Variants in FAM227A observed in about 807,000 individuals in gnomAD.
FAM227A encodes the protein family with sequence similarity 227 member A.
In FAM227A, 80 loss-of-function variants were observed where a neutral mutation model predicts 74.7. The observed-to-expected ratio is 1.07, with a 90% CI of 0.89 to 1.29. The LOEUF (loss-of-function observed/expected upper bound fraction) is 1.29, where lower values mean the gene tolerates loss of function less well. Among genes scored for constraint, FAM227A ranks in the 50% most tolerant of loss-of-function variants. FAM227A has a pLI of 0.00. For synonymous variants in FAM227A, 237 were observed against 241.8 expected, an observed-to-expected ratio of 0.98 and a Z score of 0.19; for missense variants, 654 against 683.4, an observed-to-expected ratio of 0.96 and a Z score of 0.48.
intron 6 of FAM227A, among the ~76,000 whole-genome samples, chr22:38,635,398 T>C (rs1466136315): frequency 6.6e-6 from 1 of 151,794 alleles, no homozygotes; most frequent in Non-Finnish European, 1.5e-5. Flanking sequence ...CAGGGGACAA[T>C]GATCAGAGCT....
In FAM227A at chr22:38,620,216, G is replaced by C. The variant is rs2091658593; in HGVS notation, c.1034C>G (p.Pro345Arg). ...GGTCCGTGCCTCCCCACTTACCTGA[G>C]GGTGGTAGAATTTCCTGCTCTGGGC... ...KPAQSRKFYHPQSSSANSPSE... is the reference protein window; with the variant it reads ...KPAQSRKFYHRQSSSANSPSE... The change falls in exon 11 of 17, where the codon CCT (proline) becomes CGT (arginine). Residue 345 changes from proline (P) to arginine (R), a missense_variant. Coordinates refer to ENST00000535113, the MANE Select transcript of FAM227A (RefSeq NM_001013647.2). 1.3e-6 allele frequency: 2 copies of C among 1,550,502 alleles called. No individual in the cohort carries two copies. The highest frequency in any genetic ancestry group is 2.0e-5 in the Admixed American group (1 of 50,980).
chr22:38,641,483 G>A (rs560476852), intron 3 of FAM227A, among the ~76,000 whole-genome samples: 5 of 151,334 alleles, frequency 3.3e-5, no homozygotes, highest in African/African-American at 4.8e-5. Flanking sequence ...CTTGGGAGGC[G>A]GAGGTTGCAG....
chr22:38,580,568 A>C lies in FAM227A; in HGVS notation c.*5557T>G, dbSNP rs1736623340. 6.6e-6 allele frequency: 1 copy of C among 152,180 alleles called. No individual in the cohort carries two copies. The highest frequency in any genetic ancestry group is 1.5e-5 in the Non-Finnish European group (1 of 68,034). The allele number at this position is 152,180 out of a possible 1,614,324, so 9.4% of individuals were successfully genotyped here. On this transcript the variant is annotated 3_prime_UTR_variant, in exon 17 of 17. Transcript: ENST00000535113. The stretch of plus-strand genomic sequence containing the variant: ...ATCAACCTAGATCCATTAATTCATT[A>C]GGGGTTTCAAAATGGTGATATTTTA...
intron 3 of FAM227A, among the ~76,000 whole-genome samples, chr22:38,643,389 C>T (rs896223129): frequency 6.6e-5 from 10 of 151,422 alleles, no homozygotes; most frequent in African/African-American, 2.4e-4. Context: ...GATCTGCAGA[C>T]TATAAATAAG....
chr22:38,642,028 T>TC (rs2092129063), intron 3 of FAM227A, among the ~76,000 whole-genome samples: 1 of 152,132 alleles, frequency 6.6e-6, no homozygotes. Context: ...TTGTATTTTT[T>TC]CCCAATAAAA....
chr22:38,609,498 A>ATT (rs2091364843), intron 11 of FAM227A, among the ~76,000 whole-genome samples: 1 of 152,180 alleles, frequency 6.6e-6, no homozygotes, highest in South Asian at 2.1e-4. Context: ...GAGAGAAGAC[A>ATT]TTTGCATTCT....
chr22:38,647,153 AT>A (rs1569241911), intron 2 of FAM227A, among the ~76,000 whole-genome samples: 2 of 127,972 alleles, frequency 1.6e-5, no homozygotes, highest in Non-Finnish European at 3.4e-5. Context: ...CATCTCAAAA[AT>A]AAATAAAATA....
intron 1 of FAM227A, among the ~76,000 whole-genome samples, chr22:38,651,534 G>A (rs2092321958): frequency 6.6e-6 from 1 of 151,954 alleles, no homozygotes; most frequent in Admixed American, 6.6e-5. Context: ...CCTAATTTTT[G>A]TATTTTTAGT....
Position 38,582,259 on chromosome 22 carries a change from A to C in FAM227A, c.*3866T>G, listed in dbSNP as rs964181376. 1.5e-6 allele frequency: 2 copies of C among 1,362,932 alleles called. No homozygotes were observed. The highest frequency in any genetic ancestry group is 2.9e-5 in the African/African-American group (2 of 69,122). The allele number at this position is 1,362,932 out of a possible 1,614,324, so 84.4% of individuals were successfully genotyped here. On this transcript the variant is annotated 3_prime_UTR_variant, in exon 17 of 17. Transcript: ENST00000535113. The stretch of plus-strand genomic sequence containing the variant: ...CCAGCTATCCCTCCTGTTCTTCAGG[A>C]AACTGTATGTTCTAAAACATACATT...
Position 38,598,056 on chromosome 22 carries a change from A to G in FAM227A, c.1380-700T>C, listed in dbSNP as rs1005947790. Among the ~76,000 whole-genome samples the G allele has an allele frequency of 5.3e-5, 8 of 151,724 alleles. 1 individual carries two copies. Among genetic ancestry groups the G allele is most frequent in the South Asian group, 2.1e-4 (1 of 4,808 alleles). The stretch of plus-strand genomic sequence containing the variant: ...AGACTCTGTCTCAAAAAAAAAAAAA[A>G]AAAAGAAAATTCTCCCTCTGCTCTG... On this transcript the variant is annotated intron_variant, in intron 14 of 16. Coordinates refer to ENST00000535113, the MANE Select transcript of FAM227A (RefSeq NM_001013647.2).
intron 9 of FAM227A, among the ~76,000 whole-genome samples, chr22:38,625,326 T>A (rs1170773342): frequency 6.6e-6 from 1 of 150,464 alleles, no homozygotes; most frequent in Non-Finnish European, 1.5e-5. Context: ...AAGGCTGAGG[T>A]TGCAGTGAGC....
At chr22:38,604,026 G>T (rs545567155) in intron 13 of FAM227A, among the ~76,000 whole-genome samples, 190 of 152,108 alleles carry the variant, frequency 1.2e-3, no homozygotes, top group African/African-American at 4.5e-3. Context: ...AAAACACCAC[G>T]ATTAAAGTCA....
intron 3 of FAM227A, among the ~76,000 whole-genome samples, chr22:38,644,340 G>C (rs1464663013): frequency 6.6e-6 from 1 of 150,852 alleles, no homozygotes; most frequent in Admixed American, 6.6e-5. Flanking sequence ...GTGGAGCACA[G>C]AGGACTGTTG....
In FAM227A at chr22:38,636,770, CTTTTTTT is replaced by C. The variant is rs34040804; in HGVS notation, c.373-180_373-174del. ...TTCCAAACTCCTATCTACATTATTTCTTTTTTTTTTTTTTTTTTGAGACGAAATTTCA... is the reference window on the plus strand; with the variant it reads ...TTCCAAACTCCTATCTACATTATTTCTTTTTTTTTTTGAGACGAAATTTCA... On this transcript the variant is annotated intron_variant, in intron 5 of 16. Transcript: ENST00000535113. Among the ~76,000 whole-genome samples the C allele has an allele frequency of 3.4e-3, 408 of 118,778 alleles. 1 individual carries two copies. Among genetic ancestry groups the C allele is most frequent in the Middle Eastern group, 0.024 (6 of 252 alleles). 77.9% of individuals were successfully genotyped at this position (118,778 alleles called of 152,430 possible). A position where few individuals can be genotyped will look rare whatever the true frequency, so the allele number is the denominator to read the frequency against.
In FAM227A at chr22:38,628,954, CAGTATT is replaced by C. The variant is rs760629868; in HGVS notation, c.520-25_520-20del. 1.1e-5 allele frequency: 15 copies of C among 1,368,994 alleles called. No homozygotes were observed. The Admixed American group carries it at 1.5e-4, about 13-fold the overall frequency. The allele number at this position is 1,368,994 out of a possible 1,614,324, so 84.8% of individuals were successfully genotyped here. On this transcript the variant is annotated intron_variant, in intron 6 of 16. Transcript: ENST00000535113. Reference sequence around the variant, plus strand: ...AGAAATGCTTGGAAAAAAAAATTCACAGTATTATTATTGTTGTTATCTTTTTAAAAA... The same window carrying C: ...AGAAATGCTTGGAAAAAAAAATTCACATTATTGTTGTTATCTTTTTAAAAA...
At chr22:38,618,609 T>C (rs2091624255) in intron 11 of FAM227A, 1 of 152,174 alleles carries the variant, frequency 6.6e-6, no homozygotes, top group Non-Finnish European at 1.5e-5. Context: ...AAACTGTCTA[T>C]CTTTTGTCAG....
intron 11 of FAM227A, among the ~76,000 whole-genome samples, chr22:38,610,316 C>T (rs925061397): frequency 6.6e-5 from 10 of 152,214 alleles, no homozygotes; most frequent in Middle Eastern, 3.2e-3. Context: ...TGAGCCACCA[C>T]TCCTGGCAAC....
At chr22:38,592,339 C>T (rs1569493) in intron 15 of FAM227A, among the ~76,000 whole-genome samples, 145,963 of 152,310 alleles carry the variant, frequency 0.96, 70,017 homozygotes, top group East Asian at 1. Flanking sequence ...ATCTTTACTA[C>T]AATTCACCTA....
Position 38,583,599 on chromosome 22 carries a change from G to A in FAM227A, c.*2526C>T, listed in dbSNP as rs2036173802. 1 of 152,254 alleles carries A rather than the reference G, an allele frequency of 6.6e-6. No homozygotes were observed. The highest frequency in any genetic ancestry group is 6.5e-5 in the Admixed American group (1 of 15,282). 9.4% of individuals were successfully genotyped at this position (152,254 alleles called of 1,614,324 possible). A position where few individuals can be genotyped will look rare whatever the true frequency, so the allele number is the denominator to read the frequency against. On this transcript the variant is annotated 3_prime_UTR_variant, in exon 17 of 17. Coordinates refer to ENST00000535113, the MANE Select transcript of FAM227A (RefSeq NM_001013647.2). Reference sequence around the variant, plus strand: ...TCTAATCCTCACAACAACCCTCCTAGGCAGGCATTCCCTTTCTGCAGTCAA... The same window carrying A: ...TCTAATCCTCACAACAACCCTCCTAAGCAGGCATTCCCTTTCTGCAGTCAA...
Sources: allele counts gnomAD v4.1 joint callset (sites outside exome capture counted in the v4.1 genomes callset), GRCh38; gene constraint gnomAD v4.1.1; transcripts MANE v1.5; gene names NCBI Gene and HGNC (gene_info 2026-07-23, HGNC 2026-07-21).